The following AMOTL1 variants were observed in gnomAD, a reference collection of about 807,000 sequenced individuals.
AMOTL1 encodes angiomotin-like protein 1.
A neutral mutation model predicts 102.9 loss-of-function variants in AMOTL1; 45 were observed. That is an observed-to-expected ratio of 0.44 (90% CI 0.34 to 0.56). The LOEUF (loss-of-function observed/expected upper bound fraction) is 0.56. AMOTL1 is among the 20% of genes least tolerant of loss of function. The probability of loss-of-function intolerance (pLI) is 0.01; values close to 1 mark genes in which losing one functional copy is unlikely to be tolerated. For synonymous variants in AMOTL1, 481 were observed against 484.7 expected, an observed-to-expected ratio of 0.99 and a Z score of 0.10; for missense variants, 1,114 against 1,225.6, an observed-to-expected ratio of 0.91 and a Z score of 1.36.
intron 1 of AMOTL1, among the ~76,000 whole-genome samples, chr11:94,718,737 G>A (rs1193531336): frequency 7.2e-6 from 1 of 139,736 alleles, no homozygotes; most frequent in Non-Finnish European, 1.6e-5. Context: ...GCCTTGTCTG[G>A]CTTTCTGTTG....
chr11:94,803,035 C>T (rs948744617), intron 3 of AMOTL1, among the ~76,000 whole-genome samples: 2 of 152,204 alleles, frequency 1.3e-5, no homozygotes, highest in Non-Finnish European at 2.9e-5. Flanking sequence ...TAGAAAGAGA[C>T]GCCTCTGATG....
intron 6 of AMOTL1, among the ~76,000 whole-genome samples, chr11:94,845,504 A>G (rs1045945851): frequency 6.6e-6 from 1 of 152,190 alleles, no homozygotes; most frequent in African/African-American, 2.4e-5. Context: ...CCAGGAATAT[A>G]TGTTAGCTCT....
intron 1 of AMOTL1, among the ~76,000 whole-genome samples, chr11:94,785,558 A>T (rs1169489850): frequency 6.6e-6 from 1 of 152,210 alleles, no homozygotes; most frequent in Non-Finnish European, 1.5e-5. Context: ...TGTTTAAATT[A>T]TGTAATTCAT....
In AMOTL1 at chr11:94,795,175, C is replaced by G; in HGVS notation, c.199+15C>G. Reference sequence around the variant, plus strand: ...GGAAAAAGTTGGTAAGTCCTTTTACCGGCACTTGTGTTGGAAAAGCAAAAT... The same window carrying G: ...GGAAAAAGTTGGTAAGTCCTTTTACGGGCACTTGTGTTGGAAAAGCAAAAT... On this transcript the variant is annotated intron_variant, in intron 2 of 12. Transcript: ENST00000433060. The G allele has an allele frequency of 6.2e-7, 1 of 1,612,284 alleles. No homozygotes were observed. The highest frequency in any genetic ancestry group is 1.1e-5 in the South Asian group (1 of 90,494).
intron 11 of AMOTL1, chr11:94,866,554 G>A (rs187074746): frequency 7.5e-5 from 18 of 240,056 alleles, no homozygotes; most frequent in Non-Finnish European, 1.4e-4. Context: ...AGGGAGGACA[G>A]TGTCTGCCTG....
intron 1 of AMOTL1, among the ~76,000 whole-genome samples, chr11:94,719,123 C>A (rs910946505): frequency 6.6e-6 from 1 of 152,024 alleles, no homozygotes; most frequent in African/African-American, 2.4e-5. Flanking sequence ...ATAGTGTATC[C>A]TTTATTTCCC....
intron 1 of AMOTL1, among the ~76,000 whole-genome samples, chr11:94,777,102 C>G (rs1024525228): frequency 6.6e-6 from 1 of 152,114 alleles, no homozygotes; most frequent in Admixed American, 6.5e-5. Context: ...TCTAAAAGAG[C>G]AAAGAAAATG....
At position 94,851,751 on chromosome 11, in the gene AMOTL1, A is replaced by G. The variant is rs189240613; in HGVS notation, c.1794+1492A>G. ...TGGAGGATTAAATGAGATACTACAT[A>G]TAAAGCACAATGCTTGGCATGGTAG... On this transcript the variant is annotated intron_variant, in intron 7 of 12. Coordinates refer to ENST00000433060, the MANE Select transcript of AMOTL1 (RefSeq NM_130847.3). 1.2e-3 allele frequency among the ~76,000 whole-genome samples: 183 copies of G among 152,346 alleles called. 1 individual carries two copies. The highest frequency in any genetic ancestry group is 4.2e-3 in the African/African-American group (176 of 41,584).
intron 2 of AMOTL1, among the ~76,000 whole-genome samples, chr11:94,729,928 G>A (rs962398687): frequency 1.3e-5 from 2 of 152,042 alleles, no homozygotes; most frequent in African/African-American, 2.4e-5. Context: ...TAACTTATAT[G>A]GCAACAAACA....
chr11:94,754,697 G>T (rs1256989188), intron 3 of AMOTL1, among the ~76,000 whole-genome samples: 3 of 152,148 alleles, frequency 2.0e-5, no homozygotes, highest in Non-Finnish European at 4.4e-5. Context: ...GAGACTAAGG[G>T]CTCCACTAAA....
intron 1 of AMOTL1, among the ~76,000 whole-genome samples, chr11:94,773,420 T>C (rs1159307751): frequency 6.6e-6 from 1 of 152,262 alleles, no homozygotes; most frequent in Non-Finnish European, 1.5e-5. Context: ...GCTGAGCTTA[T>C]AAACCATCTA....
chr11:94,768,541 T>C lies in AMOTL1; in HGVS notation c.30T>C (p.Thr10=), dbSNP rs747983246. Residue 10 remains threonine, a synonymous_variant, in exon 1 of 13, where the codon ACT becomes ACC. Transcript: ENST00000433060. ...GGAGGGCAAAGTTGCGCCGGGGAAC[T>C]TGTGAGCCTGCGGTGAAAGGTAACC... MWRAKLRRG[T]CEPAVKGSPS... The C allele has an allele frequency of 1.9e-6, 3 of 1,600,980 alleles. No homozygotes were observed. The highest frequency in any genetic ancestry group is 2.6e-6 in the Non-Finnish European group (3 of 1,174,262).
chr11:94,734,850 T>G (rs1178827442), intron 2 of AMOTL1, among the ~76,000 whole-genome samples: 2 of 152,214 alleles, frequency 1.3e-5, no homozygotes, highest in African/African-American at 4.8e-5. Context: ...AAATTGGTGA[T>G]TTCCTTGGGG....
Position 94,708,390 on chromosome 11 carries a change from G to A in AMOTL1, c.-51+1793G>A, listed in dbSNP as rs140734378. 4.3e-3 allele frequency among the ~76,000 whole-genome samples: 662 copies of A among 152,290 alleles called. 1 individual carries two copies. The highest frequency in any genetic ancestry group is 0.01 in the Admixed American group (155 of 15,292). On this transcript the variant is annotated intron_variant, in intron 1 of 4. Transcript: ENST00000299004. ...AGTGGGAAGGCAGCCTGAAGAATGC[G>A]TAAGCCTCAGACCTTGGAACCATGT... is the stretch of plus-strand genomic sequence containing the variant.
In AMOTL1 at chr11:94,741,061, C is replaced by G. The variant is rs1454153659; in HGVS notation, c.136+73C>G. 5.1e-6 allele frequency: 6 copies of G among 1,182,552 alleles called. No homozygotes were observed. The Admixed American group carries it at 9.2e-5, about 18-fold the overall frequency. 73.3% of individuals were successfully genotyped at this position (1,182,552 alleles called of 1,614,324 possible). On this transcript the variant is annotated intron_variant, in intron 3 of 4. Transcript: ENST00000299004. Reference sequence around the variant, plus strand: ...GAGAACTGCGAGTTTGGGGGGCGTCCATAGGAACTCAGCTAGGGATGGGGC... The same window carrying G: ...GAGAACTGCGAGTTTGGGGGGCGTCGATAGGAACTCAGCTAGGGATGGGGC...
chr11:94,773,659 T>G (rs1950984668), intron 1 of AMOTL1, among the ~76,000 whole-genome samples: 1 of 152,220 alleles, frequency 6.6e-6, no homozygotes, highest in East Asian at 1.9e-4. Flanking sequence ...ATTGGTTTGC[T>G]TTTGATCCAG....
At chr11:94,833,359 A>T (rs1222186982) in intron 6 of AMOTL1, among the ~76,000 whole-genome samples, 1 of 152,182 alleles carries the variant, frequency 6.6e-6, no homozygotes, top group African/African-American at 2.4e-5. Context: ...TGGACTCAAG[A>T]TGTTATTTCA....
chr11:94,783,925 TG>T (rs796471496), intron 1 of AMOTL1, among the ~76,000 whole-genome samples: 42 of 152,090 alleles, frequency 2.8e-4, no homozygotes, highest in African/African-American at 9.6e-4. Flanking sequence ...GTATCTGTTT[TG>T]TTTTTTTTTT....
intron 2 of AMOTL1, among the ~76,000 whole-genome samples, chr11:94,736,227 T>C (rs1950437408): frequency 6.6e-6 from 1 of 152,152 alleles, no homozygotes; most frequent in South Asian, 2.1e-4. Context: ...TAGCCCTCTA[T>C]GTGGGAAGAA....
Sources: gnomAD v4.1 joint callset for allele counts (sites outside exome capture counted in the v4.1 genomes callset) on GRCh38, gnomAD v4.1.1 for gene constraint, MANE v1.5 for transcripts, NCBI Gene and HGNC (gene_info 2026-07-23, HGNC 2026-07-21) for gene names.